LARS2: variants seen among roughly 807,000 people sequenced by gnomAD.
LARS2 encodes the protein leucine--tRNA ligase, mitochondrial.
A neutral mutation model predicts 116.6 loss-of-function variants in LARS2; 81 were observed. The ratio of observed to expected loss-of-function variants is 0.69; its 90% CI spans 0.58 to 0.84. The LOEUF is 0.84. Among genes scored for constraint, LARS2 ranks in the 40% least tolerant of loss-of-function variants. The pLI is 0.00. For missense variants in LARS2, 968 were observed against 1,114.5 expected, an observed-to-expected ratio of 0.87 and a Z score of 1.87; for synonymous variants, 396 against 407.2, an observed-to-expected ratio of 0.97 and a Z score of 0.33.
At chr3:45,478,921 C>G (rs1699656552) in intron 10 of LARS2, among the ~76,000 whole-genome samples, 1 of 152,050 alleles carries the variant, frequency 6.6e-6, no homozygotes, top group African/African-American at 2.4e-5. Flanking sequence ...CCTCTTCTGG[C>G]CTTTGGGATT....
At chr3:45,472,124 C>T (rs1699539128) in intron 8 of LARS2, among the ~76,000 whole-genome samples, 1 of 152,174 alleles carries the variant, frequency 6.6e-6, no homozygotes, top group African/African-American at 2.4e-5. Flanking sequence ...GGGATCCAAG[C>T]TCAGGCAGAA....
At chr3:45,393,372 C>A (rs1276801367) in intron 2 of LARS2, among the ~76,000 whole-genome samples, 1 of 151,812 alleles carries the variant, frequency 6.6e-6, no homozygotes, top group Non-Finnish European at 1.5e-5. Flanking sequence ...GTCAGCAGTT[C>A]GACACCAACC....
At chr3:45,543,031 G>C (rs1700821075) in intron 21 of LARS2, among the ~76,000 whole-genome samples, 1 of 152,250 alleles carries the variant, frequency 6.6e-6, no homozygotes, top group African/African-American at 2.4e-5. Context: ...CAGACCCAAG[G>C]CCCAGCAGGA....
intron 8 of LARS2, among the ~76,000 whole-genome samples, chr3:45,468,437 T>A (rs1699467562): frequency 6.6e-6 from 1 of 152,192 alleles, no homozygotes; most frequent in South Asian, 2.1e-4. Context: ...AATTTTCAAG[T>A]TGTAGCTATT....
chr3:45,523,992 CT>C lies in LARS2; in HGVS notation c.2293-3del. On this transcript the variant is annotated splice_region_variant and splice_polypyrimidine_tract_variant and intron_variant, in intron 19 of 21. Coordinates refer to ENST00000645846, the MANE Select transcript of LARS2 (RefSeq NM_015340.4). ...GTCTTCTTACTTTTTTTTCCTCTTCCTTAGCAAGCCTCTCAGAGCGTCATTC... is the reference window on the plus strand; with the variant it reads ...GTCTTCTTACTTTTTTTTCCTCTTCCTAGCAAGCCTCTCAGAGCGTCATTC... 1 of 1,610,500 alleles carries C rather than the reference CT, an allele frequency of 6.2e-7. No homozygotes were observed. The highest frequency in any genetic ancestry group is 1.1e-5 in the South Asian group (1 of 90,754).
intron 5 of LARS2, among the ~76,000 whole-genome samples, chr3:45,418,760 T>C (rs528020202): frequency 3.0e-4 from 46 of 152,244 alleles, no homozygotes; most frequent in Non-Finnish European, 5.9e-4. Context: ...TACTGGTGAA[T>C]AGCAGTTAAG....
intron 8 of LARS2, among the ~76,000 whole-genome samples, chr3:45,461,702 T>C (rs1699328830): frequency 6.6e-6 from 1 of 152,226 alleles, no homozygotes; most frequent in African/African-American, 2.4e-5. Flanking sequence ...TGGGTGAGAA[T>C]AGTAGAGAGA....
chr3:45,503,905 C>T (rs1191136347), intron 15 of LARS2, among the ~76,000 whole-genome samples: 3 of 152,010 alleles, frequency 2.0e-5, no homozygotes, highest in Non-Finnish European at 2.9e-5. Context: ...GCCCTTTCCT[C>T]GACTTTTAGG....
At chr3:45,426,372 T>G (rs957176923) in intron 6 of LARS2, among the ~76,000 whole-genome samples, 5 of 152,226 alleles carry the variant, frequency 3.3e-5, no homozygotes, top group Non-Finnish European at 5.9e-5. Flanking sequence ...CTGAAGTGTT[T>G]GACCCGCCCA....
At chr3:45,471,635 T>A (rs1380678219) in intron 8 of LARS2, among the ~76,000 whole-genome samples, 1 of 152,182 alleles carries the variant, frequency 6.6e-6, no homozygotes, top group African/African-American at 2.4e-5. Context: ...ATTGAGCCAA[T>A]TTTCAGATCA....
At chr3:45,465,768 A>T (rs1251731248) in intron 8 of LARS2, among the ~76,000 whole-genome samples, 1 of 152,184 alleles carries the variant, frequency 6.6e-6, no homozygotes, top group African/African-American at 2.4e-5. Context: ...CCCTGAATGC[A>T]GGGCCTTCCT....
At chr3:45,484,823 C>T (rs1575284313) in intron 10 of LARS2, among the ~76,000 whole-genome samples, 1 of 150,230 alleles carries the variant, frequency 6.7e-6, no homozygotes, top group African/African-American at 2.5e-5. Context: ...TTTTATTTTT[C>T]CTAGAGTTCA....
At chr3:45,542,689 G>A (rs563264967) in intron 21 of LARS2, among the ~76,000 whole-genome samples, 4 of 152,296 alleles carry the variant, frequency 2.6e-5, no homozygotes, top group East Asian at 1.9e-4. Context: ...TAACGTGGGC[G>A]TTGCCATTCT....
chr3:45,453,388 G>T (rs1289764778), intron 7 of LARS2, among the ~76,000 whole-genome samples: 2 of 152,196 alleles, frequency 1.3e-5, no homozygotes, highest in African/African-American at 2.4e-5. Flanking sequence ...GGTTTATTAT[G>T]CTTGGACATT....
chr3:45,419,606 T>G, intron 5 of LARS2, 63 bp from the exon 6 acceptor site: 1 of 1,046,600 alleles, frequency 9.6e-7, no homozygotes, highest in Non-Finnish European at 1.4e-6. Flanking sequence ...ATTCTCAAAG[T>G]GTAGTTGTGT....
chr3:45,526,823 C>T (rs1700537703), intron 20 of LARS2, among the ~76,000 whole-genome samples: 1 of 152,120 alleles, frequency 6.6e-6, no homozygotes, highest in Non-Finnish European at 1.5e-5. Context: ...ATGTTAGTTA[C>T]TAGAAAACAT....
intron 6 of LARS2, among the ~76,000 whole-genome samples, chr3:45,437,789 A>T (rs1326732499): frequency 6.6e-6 from 1 of 152,244 alleles, no homozygotes; most frequent in African/African-American, 2.4e-5. Flanking sequence ...TTCAACATTT[A>T]TTAAGCATCC....
chr3:45,391,927 G>A (rs1468424302), intron 2 of LARS2, among the ~76,000 whole-genome samples: 6 of 152,170 alleles, frequency 3.9e-5, no homozygotes, highest in African/African-American at 1.4e-4. Flanking sequence ...GTGCCCTTTT[G>A]TTTCTATTTG....
intron 6 of LARS2, among the ~76,000 whole-genome samples, chr3:45,445,668 A>C (rs1285889802): frequency 1.3e-5 from 2 of 152,198 alleles, no homozygotes; most frequent in Non-Finnish European, 2.9e-5. Context: ...CAATAGTCAG[A>C]GTTGTGTTAT....
Sources: allele counts gnomAD v4.1 joint callset (sites outside exome capture counted in the v4.1 genomes callset), GRCh38; gene constraint gnomAD v4.1.1; transcripts MANE v1.5; gene names NCBI Gene and HGNC (gene_info 2026-07-23, HGNC 2026-07-21).